The following EVPL variants were observed in gnomAD, a reference collection of about 807,000 sequenced individuals.
EVPL encodes 210 kDa cornified envelope precursor protein.
A neutral mutation model predicts 129.7 loss-of-function variants in EVPL; 94 were observed. The observed-to-expected ratio is 0.72, with a 90% CI of 0.61 to 0.86. The LOEUF (loss-of-function observed/expected upper bound fraction) is 0.86, where lower values mean the gene tolerates loss of function less well. Among genes scored for constraint, EVPL ranks in the 40% least tolerant of loss-of-function variants. The probability of loss-of-function intolerance (pLI) is 0.00; values close to 1 mark genes in which losing one functional copy is unlikely to be tolerated. For missense variants in EVPL, 2,625 were observed against 2,721.1 expected (o/e 0.96, Z 0.79); for synonymous variants, 1,172 against 1,191.1 (o/e 0.98, Z 0.33).
In EVPL at chr17:76,019,562, G is replaced by A; in HGVS notation, c.1103C>T (p.Pro368Leu). The change falls in exon 10 of 22, where the codon CCT (proline) becomes CTT (leucine). Residue 368 changes from proline to leucine, a missense_variant. Pro to Leu is a moderately conservative substitution (Grantham distance 98). Transcript: ENST00000301607. ...AKYSPAPGGP[P>L]GAPTELLQQL... ...TTGCAGCAGCTCTGTGGGGGCGCCA[G>A]GGGGGCCCCCAGGTGCAGGGCTGTA... is the stretch of plus-strand genomic sequence containing the variant. 6.4e-7 allele frequency: 1 copy of A among 1,571,166 alleles called. No homozygotes were observed. Among genetic ancestry groups the A allele is most frequent in the Non-Finnish European group, 8.6e-7 (1 of 1,163,274 alleles).
chr17:76,015,719 G>C (rs2066415478), intron 14 of EVPL, 91 bp from the exon 15 acceptor site: 1 of 1,333,016 alleles, frequency 7.5e-7, no homozygotes, highest in East Asian at 2.5e-5. Context: ...CATGGAGGCA[G>C]TAGAGTGTGG....
chr17:76,011,404 G>A (rs1598233626), intron 21 of EVPL, 172 bp downstream of exon 21: 2 of 638,976 alleles, frequency 3.1e-6, no homozygotes, highest in East Asian at 5.4e-5. Flanking sequence ...AGAAAACTGG[G>A]TGGCTGGAAT....
rs1159002952 is a variant in EVPL, at chr17:76,007,223, C to G, written c.5982G>C (p.Lys1994Asn). The G allele has an allele frequency of 6.4e-7, 1 of 1,565,218 alleles. No homozygotes were observed. Among genetic ancestry groups the G allele is most frequent in the Non-Finnish European group, 8.7e-7 (1 of 1,154,334 alleles). The change falls in exon 22 of 22, where the codon AAG becomes AAC. Residue 1994 changes from lysine (K) to asparagine (N), a missense_variant. Lys to Asn is a moderately conservative substitution (Grantham distance 94, BLOSUM62 0). This residue lies in a region of EVPL where 1,453 missense variants were observed against 1,511.8 expected (regional missense o/e 0.96). Coordinates refer to ENST00000301607, the MANE Select transcript of EVPL (RefSeq NM_001988.4). This position sits in a 1 kb window ranked among gnomAD's most constrained non-coding sequence, Gnocchi z 8.8. ...CTTTGCGGCAGCGGCCCATGGCCTC[C>G]TTGTAGCTCAGCCGTTCCTTGGAGA... ...DPISKERLSYKEAMGRCRKDP... is the reference protein window; with the variant it reads ...DPISKERLSYNEAMGRCRKDP...
At chr17:76,018,769 A>G (rs2066436413) in intron 11 of EVPL, 145 bp downstream of exon 11, 2 of 1,193,342 alleles carry the variant, frequency 1.7e-6, no homozygotes, top group African/African-American at 1.6e-5. Flanking sequence ...ACTTGGAGAG[A>G]GGAGGGTCTG....
chr17:76,018,654 G>T lies in EVPL; in HGVS notation c.1285-54C>A, dbSNP rs1439098356. On this transcript the variant is annotated intron_variant, in intron 11 of 21. Transcript: ENST00000301607. ...GAGGGCTCAGGGGCAGGGGGCCAAG[G>T]CCAGGGCAGAGTAGGGGCTGGGGAC... The T allele has an allele frequency of 1.9e-6, 3 of 1,544,354 alleles. No homozygotes were observed. The South Asian group carries it at 3.7e-5, about 19-fold the overall frequency.
intron 14 of EVPL, among the ~76,000 whole-genome samples, chr17:76,016,792 A>T: frequency 6.6e-6 from 1 of 151,974 alleles, no homozygotes; most frequent in South Asian, 2.1e-4. Flanking sequence ...TGTGGTCCCA[A>T]CTACTCGGGA....
intron 18 of EVPL, among the ~76,000 whole-genome samples, chr17:76,014,152 T>C (rs6501848): frequency 0.051 from 7,824 of 152,230 alleles, 678 homozygotes; most frequent in African/African-American, 0.18. Flanking sequence ...AGTGAACACA[T>C]TGCCTGGTAC....
chr17:76,024,160 G>A lies in EVPL; in HGVS notation c.99-40C>T. 6.3e-7 allele frequency: 1 copy of A among 1,590,482 alleles called. No individual in the cohort carries two copies. Among genetic ancestry groups the A allele is most frequent in the South Asian group, 1.1e-5 (1 of 88,632 alleles). ...GGACAGCGGGTAGCTCGGTGGAAGA[G>A]GCCCCTCTGTGCCCCATCCAGGTGG... On this transcript the variant is annotated intron_variant, in intron 1 of 21. Transcript: ENST00000301607. This position sits in a 1 kb window ranked among gnomAD's most constrained non-coding sequence, Gnocchi z 4.5.
At chr17:76,015,139 C>A in intron 16 of EVPL, 30 bp from the exon 17 acceptor site, 1 of 1,566,146 alleles carries the variant, frequency 6.4e-7, no homozygotes, top group African/African-American at 1.3e-5. Flanking sequence ...AGCCGTGCAC[C>A]CTCGTGGCTG....
rs1327651684 is a variant in EVPL, at chr17:76,007,368, TC to T, written c.5836del (p.Asp1946ThrfsTer18). On this transcript the variant is annotated frameshift_variant, in exon 22 of 22. Transcript: ENST00000301607. LOFTEE classifies it low-confidence loss of function (END_TRUNC). The surrounding 1 kb of genome is among the most constrained non-coding windows in gnomAD (Gnocchi z 8.8). ...GGGGATGCGGCCTGTCCTCTTGGGG[TC>T]GATGAGCCCCCCGGTCAGGTGCTGC... Reference protein sequence around the residue: ...QVQHLTGGLIDPKRTGRIPIQ... With the variant: ...QVQHLTGGLIXPKRTGRIPIQ... 1 of 1,593,460 alleles carries T rather than the reference TC, an allele frequency of 6.3e-7. No individual in the cohort carries two copies. Among genetic ancestry groups the T allele is most frequent in the Non-Finnish European group, 8.6e-7 (1 of 1,166,238 alleles).
Position 76,008,265 on chromosome 17 carries a change from C to T in EVPL, c.4940G>A (p.Arg1647His), listed in dbSNP as rs780354838. 14 of 1,612,638 alleles carry T rather than the reference C, an allele frequency of 8.7e-6. No homozygotes were observed. Among genetic ancestry groups the T allele is most frequent in the Middle Eastern group, 1.6e-4 (1 of 6,082 alleles). ...ELSRLEAAIL[R>H]EKDQIYEKER... ...CTTCTCGTAGATCTGGTCCTTCTCG[C>T]GGAGGATGGCCGCCTCCAGCCGCGA... The change falls in exon 22 of 22, where the codon CGC becomes CAC. Residue 1647 changes from arginine (R) to histidine (H), a missense_variant. Physicochemically the swap from Arg to His is conservative, Grantham distance 29. Transcript: ENST00000301607. The surrounding 1 kb of genome is among the most constrained non-coding windows in gnomAD (Gnocchi z 7.4).
intron 12 of EVPL, 53 bp downstream of exon 12, chr17:76,018,393 G>T: frequency 6.4e-7 from 1 of 1,565,632 alleles, no homozygotes; most frequent in Non-Finnish European, 8.6e-7. Flanking sequence ...GACACCGCAG[G>T]GCCGGCCTGC....
At position 76,015,222 on chromosome 17, in the gene EVPL, C is replaced by G. The variant is rs745797184; in HGVS notation, c.2028+5G>C. 9.5e-6 allele frequency: 15 copies of G among 1,587,068 alleles called. No homozygotes were observed. In the Admixed American group the frequency reaches 2.6e-4, roughly 27 times the overall value. On this transcript the variant is annotated splice_donor_5th_base_variant and intron_variant, in intron 16 of 21. Transcript: ENST00000301607. ...GACACCAGGAGGCCCCGGCTGGTCC[C>G]TTACCTGCAGCTCGCTGACCCTCTC...
intron 8 of EVPL, 43 bp from the exon 9 acceptor site, chr17:76,021,606 C>CCCGGGGGG: frequency 7.5e-7 from 1 of 1,336,574 alleles, no homozygotes; most frequent in Non-Finnish European, 9.9e-7. Flanking sequence ...GCCCCCCCCA[C>CCCGGGGGG]GTCCGCCCCA....
chr17:76,015,045 G>A lies in EVPL; in HGVS notation c.2093C>T (p.Ala698Val). The A allele has an allele frequency of 6.3e-7, 1 of 1,590,730 alleles. No homozygotes were observed. Among genetic ancestry groups the A allele is most frequent in the Non-Finnish European group, 8.5e-7 (1 of 1,173,360 alleles). ...CVLRLHRALKASEHACAALQN... is the reference protein window; with the variant it reads ...CVLRLHRALKVSEHACAALQN... ...CAGGGCAGCGCATGCGTGCTCCGAG[G>A]CCTTCAGCGCGCGGTGTAGCCGCAG... Residue 698 changes from alanine to valine, a missense_variant, in exon 17 of 22, where the codon GCC becomes GTC. Ala to Val is a moderately conservative substitution (Grantham distance 64). Around this residue, in one of 4 missense-constraint regions of EVPL, gnomAD observed 1,024 missense variants for 997.5 expected, o/e 1.03. Transcript: ENST00000301607.
chr17:76,009,458 C>A lies in EVPL; in HGVS notation c.3747G>T (p.Glu1249Asp), dbSNP rs2066355773. ...CCACCTCCTGGGTCACCTCCTTGTA[C>A]TCCACCGTGGGCTTCTGGGCCCGCA... The part of the protein sequence containing the change: ...EVLRAQKPTV[E>D]YKEVTQEVVR... Residue 1249 changes from glutamate (E) to aspartate (D), a missense_variant, in exon 22 of 22, where the codon GAG becomes GAT. By Grantham distance (45) the Glu-to-Asp change is conservative. Coordinates refer to ENST00000301607, the MANE Select transcript of EVPL (RefSeq NM_001988.4). The surrounding 1 kb of genome is among the most constrained non-coding windows in gnomAD (Gnocchi z 5.9). 6.2e-7 allele frequency: 1 copy of A among 1,614,058 alleles called. No homozygotes were observed. The highest frequency in any genetic ancestry group is 8.5e-7 in the Non-Finnish European group (1 of 1,180,046).
chr17:76,014,992 C>T lies in EVPL; in HGVS notation c.2146G>A (p.Asp716Asn). ...ACCTGGCGCTGCTGGCGAGGCAGGT[C>T]TTGGCAGAACTCCTGGAAGTTGTTC... ...LQNNFQEFCQDLPRQQRQVRA... is the reference protein window; with the variant it reads ...LQNNFQEFCQNLPRQQRQVRA... Residue 716 changes from aspartate (D) to asparagine (N), a missense_variant, in exon 17 of 22, where the codon GAC (aspartate) becomes AAC (asparagine). By Grantham distance (23) the Asp-to-Asn change is conservative. Transcript: ENST00000301607. 3 of 1,596,886 alleles carry T rather than the reference C, an allele frequency of 1.9e-6. No individual in the cohort carries two copies. Among genetic ancestry groups the T allele is most frequent in the African/African-American group, 1.3e-5 (1 of 74,906 alleles).
chr17:76,012,310 C>CTT (rs11371360), intron 18 of EVPL: 41,849 of 378,668 alleles, frequency 0.11, 352 homozygotes, highest in Middle Eastern at 0.14. Flanking sequence ...CCTTTCTTTC[C>CTT]TTTTTTTTTT....
Position 76,018,196 on chromosome 17 carries a change from G to A in EVPL, c.1502C>T (p.Ala501Val). ...GGGCCGAAGAGACTCCACAGCACTG[G>A]CCTTCAGGCGGCTCTGGACTGTGGC... The part of the protein sequence containing the change: ...KLATVQSRLK[A>V]SAVESLRPSQ... Residue 501 changes from alanine to valine, a missense_variant, in exon 13 of 22, where the codon GCC becomes GTC. Transcript: ENST00000301607. 1 of 1,551,126 alleles carries A rather than the reference G, an allele frequency of 6.4e-7. No individual in the cohort carries two copies. Among genetic ancestry groups the A allele is most frequent in the Non-Finnish European group, 8.7e-7 (1 of 1,146,902 alleles).
Sources: gnomAD v4.1 joint callset for allele counts (sites outside exome capture counted in the v4.1 genomes callset) on GRCh38, gnomAD v4.1.1 for gene constraint, gnomAD v4.1.1 regional missense constraint, Gnocchi (gnomAD v3.1) non-coding constraint, MANE v1.5 for transcripts, NCBI Gene and HGNC (gene_info 2026-07-23, HGNC 2026-07-21) for gene names.